Variants in THADA observed in about 807,000 individuals in gnomAD.
THADA encodes tRNA (32-2'-O)-methyltransferase regulator THADA.
In THADA, 213 loss-of-function variants were observed where a neutral mutation model predicts 219.8. The ratio of observed to expected loss-of-function variants is 0.97; its 90% CI spans 0.87 to 1.09. THADA has a LOEUF of 1.09. Ranked by LOEUF, THADA falls within the 50% of genes least tolerant of loss-of-function variation. The probability of loss-of-function intolerance (pLI) is 0.00; values close to 1 mark genes in which losing one functional copy is unlikely to be tolerated. For synonymous variants in THADA, 1,018 were observed against 828.9 expected (o/e 1.23, Z -3.92); for missense variants, 2,956 against 2,311.3 (o/e 1.28, Z -5.72).
chr2:43,444,066 A>G (rs903941214), intron 26 of THADA, among the ~76,000 whole-genome samples: 4 of 152,234 alleles, frequency 2.6e-5, no homozygotes, highest in African/African-American at 7.2e-5. Flanking sequence ...TAGAAATATT[A>G]TTCTAGCACT....
At position 43,230,922 on chromosome 2, in the gene THADA, C is replaced by G; in HGVS notation, c.*26G>C. Reference sequence around the variant, plus strand: ...TAGTGGAGGAAAAATCCACACATACCCCCATCCCAATCCCCCAGATTTTCT... The same window carrying G: ...TAGTGGAGGAAAAATCCACACATACGCCCATCCCAATCCCCCAGATTTTCT... On this transcript the variant is annotated 3_prime_UTR_variant, in exon 38 of 38. Coordinates refer to ENST00000405975, the MANE Select transcript of THADA (RefSeq NM_022065.5). The G allele has an allele frequency of 3.2e-6, 5 of 1,582,768 alleles. No homozygotes were observed. The highest frequency in any genetic ancestry group is 4.3e-6 in the Non-Finnish European group (5 of 1,161,120).
intron 29 of THADA, among the ~76,000 whole-genome samples, chr2:43,347,202 G>A (rs1262623766): frequency 2.0e-5 from 3 of 152,126 alleles, no homozygotes; most frequent in African/African-American, 7.2e-5. Context: ...TTGCGGCTTT[G>A]GGCAACTTAA....
chr2:43,328,682 A>T (rs1679616283), intron 30 of THADA, among the ~76,000 whole-genome samples: 1 of 152,200 alleles, frequency 6.6e-6, no homozygotes, highest in Non-Finnish European at 1.5e-5. Context: ...TGGGGAATGT[A>T]ATCTGTGAAA....
intron 36 of THADA, among the ~76,000 whole-genome samples, chr2:43,249,671 T>G (rs1020556152): frequency 3.9e-5 from 6 of 152,212 alleles, no homozygotes; most frequent in African/African-American, 1.4e-4. Flanking sequence ...CAGCCATGGG[T>G]ATTTTAGGCT....
chr2:43,305,815 A>T (rs1278322285), intron 31 of THADA, among the ~76,000 whole-genome samples: 1 of 152,158 alleles, frequency 6.6e-6, no homozygotes, highest in Non-Finnish European at 1.5e-5. Context: ...GTCCAGAACT[A>T]CTGTGGATAA....
At chr2:43,266,973 T>C (rs564336806) in intron 36 of THADA, among the ~76,000 whole-genome samples, 2 of 152,296 alleles carry the variant, frequency 1.3e-5, no homozygotes, top group African/African-American at 4.8e-5. Flanking sequence ...TGGTCTCTAC[T>C]AAGTGTTTTC....
chr2:43,521,683 G>A (rs957050740), intron 22 of THADA, among the ~76,000 whole-genome samples: 2 of 152,202 alleles, frequency 1.3e-5, no homozygotes, highest in Admixed American at 1.3e-4. Flanking sequence ...GTATTGTCTT[G>A]AGCAGATCAC....
intron 29 of THADA, among the ~76,000 whole-genome samples, chr2:43,362,655 G>A (rs925613024): frequency 1.3e-5 from 2 of 151,914 alleles, no homozygotes; most frequent in African/African-American, 2.4e-5. Context: ...TAGACTTTAC[G>A]AATACTGTAT....
intron 31 of THADA, among the ~76,000 whole-genome samples, chr2:43,319,909 T>C (rs1460583057): frequency 2.0e-5 from 3 of 152,154 alleles, no homozygotes; most frequent in Non-Finnish European, 4.4e-5. Context: ...AAAACCACTT[T>C]GCAAATCATG....
intron 24 of THADA, among the ~76,000 whole-genome samples, chr2:43,504,028 G>C (rs1031561203): frequency 6.6e-6 from 1 of 151,918 alleles, no homozygotes; most frequent in Non-Finnish European, 1.5e-5. Flanking sequence ...TTTCAGATTA[G>C]AGATGCTGAC....
chr2:43,549,570 A>G (rs1281320015), intron 19 of THADA, among the ~76,000 whole-genome samples: 1 of 152,206 alleles, frequency 6.6e-6, no homozygotes, highest in South Asian at 2.1e-4. Context: ...ATGGCAATTT[A>G]GACTGAAATA....
intron 21 of THADA, among the ~76,000 whole-genome samples, chr2:43,531,323 T>C (rs1447968381): frequency 6.6e-6 from 1 of 152,238 alleles, no homozygotes; most frequent in East Asian, 1.9e-4. Context: ...CTAGAATGAA[T>C]AGACCAACAC....
chr2:43,545,383 C>A (rs1695887788), intron 20 of THADA, among the ~76,000 whole-genome samples: 1 of 151,856 alleles, frequency 6.6e-6, no homozygotes, highest in South Asian at 2.1e-4. Context: ...ATGATGCTGG[C>A]CTCATAAAAT....
At chr2:43,545,611 T>C (rs530778168) in intron 20 of THADA, among the ~76,000 whole-genome samples, 2 of 152,222 alleles carry the variant, frequency 1.3e-5, no homozygotes, top group Admixed American at 6.5e-5. Flanking sequence ...GGAGGGTGTA[T>C]GTGTCGAGGA....
intron 1 of THADA, among the ~76,000 whole-genome samples, chr2:43,593,455 G>C (rs1267418531): frequency 1.3e-5 from 2 of 152,080 alleles, no homozygotes; most frequent in South Asian, 2.1e-4. Flanking sequence ...ACTCTAAGGA[G>C]CCATAACAAA....
chr2:43,287,542 T>C (rs1674181060), intron 34 of THADA, among the ~76,000 whole-genome samples: 1 of 152,172 alleles, frequency 6.6e-6, no homozygotes, highest in Admixed American at 6.5e-5. Flanking sequence ...AGTGATCAAC[T>C]TGCCTCGGCC....
In THADA at chr2:43,237,598, A is replaced by G. The variant is rs1248241325; in HGVS notation, c.5297-4716T>C. Among the ~76,000 whole-genome samples, 4 of 151,144 alleles carry G rather than the reference A, an allele frequency of 2.6e-5. 1 individual carries two copies. The highest frequency in any genetic ancestry group is 9.7e-5 in the African/African-American group (4 of 41,222). The stretch of plus-strand genomic sequence containing the variant: ...ATATTTTTAGTAGAGACGGGGTTTC[A>G]CCATCTTGGCCAGGCTGGTCTTGAA... On this transcript the variant is annotated intron_variant, in intron 36 of 37. Transcript: ENST00000405975.
chr2:43,369,054 C>T (rs1462123850), intron 29 of THADA, among the ~76,000 whole-genome samples: 1 of 152,202 alleles, frequency 6.6e-6, no homozygotes, highest in African/African-American at 2.4e-5. Context: ...TAAGATGTAT[C>T]ACGTGCAACT....
At chr2:43,550,536 G>T (rs1020514613) in intron 19 of THADA, among the ~76,000 whole-genome samples, 1 of 152,174 alleles carries the variant, frequency 6.6e-6, no homozygotes, top group Non-Finnish European at 1.5e-5. Flanking sequence ...ATGTATGGCA[G>T]ATAACACAGG....
Sources: allele counts gnomAD v4.1 joint callset (sites outside exome capture counted in the v4.1 genomes callset), GRCh38; gene constraint gnomAD v4.1.1; transcripts MANE v1.5; gene names NCBI Gene and HGNC (gene_info 2026-07-23, HGNC 2026-07-21).